C6: variants seen among roughly 807,000 people sequenced by gnomAD.
C6 encodes the protein complement C6.
C6 carries 101 observed loss-of-function variants against 112.9 expected under a neutral mutation model. The observed-to-expected ratio is 0.89, with a 90% CI of 0.76 to 1.06. The LOEUF (loss-of-function observed/expected upper bound fraction) is 1.06, where lower values mean the gene tolerates loss of function less well. Among genes scored for constraint, C6 ranks in the 50% least tolerant of loss-of-function variants. The probability of loss-of-function intolerance (pLI) is 0.00; values close to 1 mark genes in which losing one functional copy is unlikely to be tolerated. For missense variants in C6, 1,202 were observed against 1,104.6 expected, an observed-to-expected ratio of 1.09 and a Z score of -1.25; for synonymous variants, 431 against 384.1, an observed-to-expected ratio of 1.12 and a Z score of -1.43.
intron 1 of C6, among the ~76,000 whole-genome samples, chr5:41,238,370 C>G (rs932858711): frequency 1.3e-4 from 19 of 151,364 alleles, no homozygotes; most frequent in African/African-American, 3.4e-4. Flanking sequence ...GGTACTGGTA[C>G]CAAAACAGAG....
chr5:41,142,500 A>G lies in C6; in HGVS notation c.*325T>C. ...ATTATGGGTTTTATTCTTATTTCTA[A>G]TTGCGAGAATGCTTAATGTCACAGG... On this transcript the variant is annotated 3_prime_UTR_variant, in exon 18 of 18. Coordinates refer to ENST00000337836, the MANE Select transcript of C6 (RefSeq NM_000065.5). 1 of 317,202 alleles carries G rather than the reference A, an allele frequency of 3.2e-6. No homozygotes were observed. The highest frequency in any genetic ancestry group is 6.0e-6 in the Non-Finnish European group (1 of 166,542). The allele number at this position is 317,202 out of a possible 1,614,324, so 19.6% of individuals were successfully genotyped here.
chr5:41,177,664 GA>G (rs1235561874), intron 7 of C6, among the ~76,000 whole-genome samples: 5 of 151,726 alleles, frequency 3.3e-5, no homozygotes, highest in African/African-American at 1.2e-4. Flanking sequence ...TGACACAAAA[GA>G]AAAAAAATAA....
At position 41,142,728 on chromosome 5, in the gene C6, A is replaced by C. The variant is rs1014188168; in HGVS notation, c.*97T>G. On this transcript the variant is annotated 3_prime_UTR_variant, in exon 18 of 18. Transcript: ENST00000337836. Reference sequence around the variant, plus strand: ...ATAATTTTTGTCAGTAACTTTGAGCATGCCAGTCTGCTGTTTGTGCAAGAA... The same window carrying C: ...ATAATTTTTGTCAGTAACTTTGAGCCTGCCAGTCTGCTGTTTGTGCAAGAA... The C allele has an allele frequency of 1.1e-6, 1 of 943,408 alleles. No individual in the cohort carries two copies. Among genetic ancestry groups the C allele is most frequent in the Non-Finnish European group, 1.7e-6 (1 of 573,004 alleles). 58.4% of individuals were successfully genotyped at this position (943,408 alleles called of 1,614,324 possible).
intron 1 of C6, among the ~76,000 whole-genome samples, chr5:41,240,020 A>C (rs1740597928): frequency 1.3e-5 from 2 of 151,952 alleles, no homozygotes. Flanking sequence ...TTTTCTCTTG[A>C]TGTTTTTAGA....
chr5:41,149,598 C>T (rs771566176), intron 16 of C6, 116 bp from the exon 17 acceptor site: 41 of 1,325,528 alleles, frequency 3.1e-5, no homozygotes, highest in Non-Finnish European at 4.2e-5. Context: ...GTTTTCCCCA[C>T]CCCACTCCAA....
At chr5:41,184,499 T>C (rs536125255) in intron 6 of C6, among the ~76,000 whole-genome samples, 1 of 151,388 alleles carries the variant, frequency 6.6e-6, no homozygotes, top group Admixed American at 6.6e-5. Context: ...TTTGAGAGAG[T>C]CTCACTCTGT....
Position 41,172,255 on chromosome 5 carries a change from T to C in C6, c.1261A>G (p.Thr421Ala). 6.2e-7 allele frequency: 1 copy of C among 1,613,762 alleles called. No individual in the cohort carries two copies. Among genetic ancestry groups the C allele is most frequent in the South Asian group, 1.1e-5 (1 of 91,084 alleles). Residue 421 changes from threonine to alanine, a missense_variant, in exon 9 of 18, where the codon ACC becomes GCC. By Grantham distance (58) the Thr-to-Ala change is moderately conservative. Transcript: ENST00000337836. ...AKKTKVEHRC[T>A]TNKLSEKHEG... Reference sequence around the variant, plus strand: ...TGTTTCTCTGACAGCTTGTTGGTGGTGCACCTATGTTCCACTTTTGTTTTC... The same window carrying C: ...TGTTTCTCTGACAGCTTGTTGGTGGCGCACCTATGTTCCACTTTTGTTTTC...
chr5:41,234,364 G>GTTTTTTTTTTTTTTTTT (rs70988840), intron 1 of C6, among the ~76,000 whole-genome samples: 2 of 123,008 alleles, frequency 1.6e-5, no homozygotes, highest in African/African-American at 5.8e-5. Flanking sequence ...TTTGTTTTTT[G>GTTTTTTTTTTTTTTTTT]TTTTTTTTTT....
At chr5:41,209,417 G>C (rs1751711371) in intron 1 of C6, among the ~76,000 whole-genome samples, 1 of 152,174 alleles carries the variant, frequency 6.6e-6, no homozygotes, top group Non-Finnish European at 1.5e-5. Flanking sequence ...ATTAGGAAAA[G>C]AGGGAATGAA....
intron 15 of C6, among the ~76,000 whole-genome samples, chr5:41,152,170 A>G (rs1426301270): frequency 6.6e-6 from 1 of 152,204 alleles, no homozygotes; most frequent in Admixed American, 6.5e-5. Context: ...ACATGGTTTC[A>G]GGAGACCACA....
At chr5:41,220,166 T>A (rs1739079882) in intron 1 of C6, among the ~76,000 whole-genome samples, 1 of 152,204 alleles carries the variant, frequency 6.6e-6, no homozygotes, top group South Asian at 2.1e-4. Context: ...TTTCTTGCCA[T>A]GTTTTTCAAA....
chr5:41,190,163 T>G (rs777065691), intron 5 of C6, among the ~76,000 whole-genome samples: 3 of 152,196 alleles, frequency 2.0e-5, no homozygotes, highest in Non-Finnish European at 4.4e-5. Context: ...CAGTGCTGTT[T>G]GTAGTTTTTT....
intron 13 of C6, 115 bp from the exon 14 acceptor site, chr5:41,155,219 T>C (rs1202209755): frequency 1.1e-6 from 1 of 930,302 alleles, no homozygotes; most frequent in African/African-American, 1.7e-5. Flanking sequence ...AGTCACCAAG[T>C]CCTCTCAATT....
At position 41,158,582 on chromosome 5, in the gene C6, G is replaced by T. The variant is rs998948233; in HGVS notation, c.1968+92C>A. The T allele has an allele frequency of 6.3e-4, 477 of 752,930 alleles. 6 individuals are homozygous for T. Among genetic ancestry groups the T allele is most frequent in the South Asian group, 3.7e-3 (258 of 69,422 alleles). 46.6% of individuals were successfully genotyped at this position (752,930 alleles called of 1,614,324 possible). A position where few individuals can be genotyped will look rare whatever the true frequency, so the allele number is the denominator to read the frequency against. On this transcript the variant is annotated intron_variant, in intron 13 of 17. Transcript: ENST00000337836. ...TTTTAAAGTCAATAGGAGATTATTCGAATAGGAAAACAGTAACTCTAATTA... is the reference window on the plus strand; with the variant it reads ...TTTTAAAGTCAATAGGAGATTATTCTAATAGGAAAACAGTAACTCTAATTA...
At chr5:41,153,784 C>T (rs1746634175) in intron 15 of C6, 26 bp downstream of exon 15, 2 of 1,581,520 alleles carry the variant, frequency 1.3e-6, no homozygotes, top group East Asian at 2.2e-5. Context: ...CCTTATCAGA[C>T]CCCAGAACAC....
intron 10 of C6, among the ~76,000 whole-genome samples, chr5:41,161,027 G>C (rs1747440314): frequency 2.0e-5 from 3 of 152,194 alleles, no homozygotes; most frequent in South Asian, 4.1e-4. Flanking sequence ...ATAACATGTA[G>C]AGCTCAACAC....
intron 17 of C6, among the ~76,000 whole-genome samples, chr5:41,147,198 G>A (rs1423412): frequency 0.034 from 5,166 of 152,226 alleles, 317 homozygotes; most frequent in African/African-American, 0.12. Flanking sequence ...TTCTATCACA[G>A]ATTATTGTTT....
intron 6 of C6, among the ~76,000 whole-genome samples, chr5:41,182,807 T>G (rs368423318): frequency 1.3e-5 from 2 of 152,210 alleles, no homozygotes; most frequent in African/African-American, 4.8e-5. Context: ...CACTATGACC[T>G]TCTTCAGCCA....
intron 5 of C6, among the ~76,000 whole-genome samples, chr5:41,192,205 T>C (rs1750268938): frequency 2.0e-5 from 3 of 152,228 alleles, no homozygotes; most frequent in Admixed American, 2.0e-4. Context: ...TTGATTTGCA[T>C]ATTTTGAACC....
Sources: gnomAD v4.1 joint callset for allele counts (sites outside exome capture counted in the v4.1 genomes callset) on GRCh38, gnomAD v4.1.1 for gene constraint, MANE v1.5 for transcripts, NCBI Gene and HGNC (gene_info 2026-07-23, HGNC 2026-07-21) for gene names.